The following TUSC3 variants were observed in gnomAD, a reference collection of about 807,000 sequenced individuals.
The protein encoded by TUSC3 is tumor suppressor candidate 3.
Under a neutral mutation model 44.8 loss-of-function variants are expected in TUSC3, and 45 were observed. The ratio of observed to expected loss-of-function variants is 1.00; its 90% CI spans 0.79 to 1.29. TUSC3 has a LOEUF of 1.29. Ranked by LOEUF, TUSC3 falls within the 50% of genes most tolerant of loss-of-function variation. TUSC3 has a pLI of 0.00. For synonymous variants in TUSC3, 212 were observed against 152.9 expected, an observed-to-expected ratio of 1.39 and a Z score of -2.85; for missense variants, 519 against 437.9, an observed-to-expected ratio of 1.19 and a Z score of -1.65.
chr8:15,726,075 C>G (rs1810484893), intron 6 of TUSC3, among the ~76,000 whole-genome samples: 1 of 152,104 alleles, frequency 6.6e-6, no homozygotes, highest in Non-Finnish European at 1.5e-5. Context: ...AAAAGGACTC[C>G]TCAAGGAGTA....
chr8:15,428,873 C>T (rs1799837343), intron 1 of TUSC3, among the ~76,000 whole-genome samples: 1 of 152,058 alleles, frequency 6.6e-6, no homozygotes, highest in Non-Finnish European at 1.5e-5. Flanking sequence ...GATATTAGCC[C>T]TTTGTCAGAT....
At chr8:15,550,418 T>G (rs923713576) in intron 1 of TUSC3, among the ~76,000 whole-genome samples, 1 of 151,610 alleles carries the variant, frequency 6.6e-6, no homozygotes, top group Non-Finnish European at 1.5e-5. Context: ...TACAAAATAT[T>G]GCATTATAGA....
chr8:15,614,243 G>GA (rs984716981), intron 1 of TUSC3, among the ~76,000 whole-genome samples: 1 of 152,004 alleles, frequency 6.6e-6, no homozygotes, highest in African/African-American at 2.4e-5. Context: ...TCTAGGCTGA[G>GA]ATGGGGGTCT....
At chr8:15,597,203 A>G (rs1804109947) in intron 1 of TUSC3, among the ~76,000 whole-genome samples, 1 of 152,084 alleles carries the variant, frequency 6.6e-6, no homozygotes, top group Non-Finnish European at 1.5e-5. Flanking sequence ...TTTGCTGCAG[A>G]TTTTAATGGA....
intron 1 of TUSC3, among the ~76,000 whole-genome samples, chr8:15,459,562 C>G (rs73534237): frequency 0.025 from 3,785 of 152,014 alleles, 168 homozygotes; most frequent in African/African-American, 0.085. Context: ...TTTGGTGCAG[C>G]CATCGCCCAA....
chr8:15,746,833 T>G (rs1434923068), intron 8 of TUSC3, among the ~76,000 whole-genome samples: 3 of 152,088 alleles, frequency 2.0e-5, no homozygotes, highest in Non-Finnish European at 2.9e-5. Flanking sequence ...TGTAATTAAT[T>G]ATAGGTTTTT....
chr8:15,790,759 A>C, the TUSC3 span, among the ~76,000 whole-genome samples: 8 of 152,082 alleles, frequency 5.3e-5, no homozygotes, highest in Non-Finnish European at 1.0e-4. Context: ...AAAAACTCAA[A>C]CTTGAGAATC....
chr8:15,567,250 A>T (rs141657186), intron 1 of TUSC3, among the ~76,000 whole-genome samples: 87 of 152,266 alleles, frequency 5.7e-4, no homozygotes, highest in African/African-American at 2.0e-3. Context: ...TTTCAGAAGA[A>T]CACTGAAGTT....
chr8:15,547,613 G>A (rs1801917609), intron 1 of TUSC3, among the ~76,000 whole-genome samples: 1 of 151,284 alleles, frequency 6.6e-6, no homozygotes, highest in Non-Finnish European at 1.5e-5. Flanking sequence ...GAATGTTTAT[G>A]TTCCCACAAA....
intron 1 of TUSC3, among the ~76,000 whole-genome samples, chr8:15,569,769 G>T (rs893539186): frequency 3.3e-5 from 5 of 152,056 alleles, no homozygotes; most frequent in African/African-American, 9.7e-5. Flanking sequence ...AGGAATCTCA[G>T]TTGAAAATTT....
At chr8:15,780,233 G>C in the TUSC3 span, among the ~76,000 whole-genome samples, 1 of 152,112 alleles carries the variant, frequency 6.6e-6, no homozygotes, top group Non-Finnish European at 1.5e-5. Flanking sequence ...AACCTTAAAT[G>C]GGTAGGCAAA....
intron 2 of TUSC3, among the ~76,000 whole-genome samples, chr8:15,511,517 C>T (rs1801135555): frequency 6.6e-6 from 1 of 152,080 alleles, no homozygotes; most frequent in African/African-American, 2.4e-5. Context: ...ATTTTAAACA[C>T]AATACCACCA....
At chr8:15,469,718 C>A (rs1420863598) in intron 1 of TUSC3, among the ~76,000 whole-genome samples, 1 of 152,202 alleles carries the variant, frequency 6.6e-6, no homozygotes, top group African/African-American at 2.4e-5. Flanking sequence ...CAACTGTATT[C>A]ACAATTTCCA....
intron 6 of TUSC3, among the ~76,000 whole-genome samples, chr8:15,688,405 A>G (rs1808733853): frequency 6.7e-6 from 1 of 149,836 alleles, no homozygotes; most frequent in Non-Finnish European, 1.5e-5. Context: ...TAAAATAAAC[A>G]TTCAAAAACT....
intron 2 of TUSC3, among the ~76,000 whole-genome samples, chr8:15,484,444 T>C (rs17576978): frequency 0.18 from 27,301 of 152,242 alleles, 2,676 homozygotes; most frequent in Admixed American, 0.28. Context: ...GCTTTTGTTT[T>C]CTTTACATGT....
chr8:15,761,405 C>A (rs1274031215), intron 10 of TUSC3, among the ~76,000 whole-genome samples: 1 of 152,188 alleles, frequency 6.6e-6, no homozygotes, highest in East Asian at 1.9e-4. Context: ...GGTTGCTTCT[C>A]TTAGGCTAGG....
intron 1 of TUSC3, among the ~76,000 whole-genome samples, chr8:15,547,318 T>C (rs1048245485): frequency 6.6e-6 from 1 of 151,706 alleles, no homozygotes; most frequent in African/African-American, 2.4e-5. Context: ...ACTCAACTTT[T>C]GGAAATATTT....
chr8:15,842,101 C>A, the TUSC3 span, among the ~76,000 whole-genome samples: 1 of 152,122 alleles, frequency 6.6e-6, no homozygotes, highest in Non-Finnish European at 1.5e-5. Context: ...AATAATCAGT[C>A]AACACATGTT....
At chr8:15,493,154 T>C (rs1800832603) in intron 2 of TUSC3, among the ~76,000 whole-genome samples, 1 of 152,210 alleles carries the variant, frequency 6.6e-6, no homozygotes. Context: ...GAGTAACTTA[T>C]CCAAAGTGAC....
Sources: gnomAD v4.1 joint callset for allele counts (sites outside exome capture counted in the v4.1 genomes callset) on GRCh38, gnomAD v4.1.1 for gene constraint, MANE v1.5 for transcripts, NCBI Gene and HGNC (gene_info 2026-07-23, HGNC 2026-07-21) for gene names.